The following GALNTL6 variants were observed in gnomAD, a reference collection of about 807,000 sequenced individuals.
GALNTL6 encodes the protein polypeptide N-acetylgalactosaminyltransferase-like 6.
In GALNTL6, 46 loss-of-function variants were observed where a neutral mutation model predicts 73.7. The observed-to-expected ratio is 0.62, with a 90% CI of 0.49 to 0.80. The LOEUF (loss-of-function observed/expected upper bound fraction) is 0.80. Ranked by LOEUF, GALNTL6 falls within the 30% of genes least tolerant of loss-of-function variation. The pLI, the probability that GALNTL6 is intolerant of heterozygous loss-of-function variation, is 0.00. For missense variants in GALNTL6, 604 were observed against 755.0 expected, an observed-to-expected ratio of 0.80 and a Z score of 2.34; for synonymous variants, 259 against 263.7, an observed-to-expected ratio of 0.98 and a Z score of 0.17.
intron 7 of GALNTL6, among the ~76,000 whole-genome samples, chr4:172,853,274 C>A (rs1334592640): frequency 6.6e-6 from 1 of 152,170 alleles, no homozygotes. Flanking sequence ...AGCTGGTGAG[C>A]ACCCACACTT....
At chr4:172,140,577 AT>A (rs1733773850) in intron 2 of GALNTL6, among the ~76,000 whole-genome samples, 1 of 152,114 alleles carries the variant, frequency 6.6e-6, no homozygotes, top group African/African-American at 2.4e-5. Context: ...AAGAGATGAA[AT>A]TTTCTCAAGG....
chr4:172,321,498 A>G (rs1181565317), intron 4 of GALNTL6, among the ~76,000 whole-genome samples: 1 of 152,192 alleles, frequency 6.6e-6, no homozygotes, highest in Non-Finnish European at 1.5e-5. Flanking sequence ...TAACAGAAAA[A>G]GACTTCAAAC....
intron 2 of GALNTL6, among the ~76,000 whole-genome samples, chr4:172,017,370 T>G (rs1388246758): frequency 6.6e-6 from 1 of 152,142 alleles, no homozygotes; most frequent in East Asian, 1.9e-4. Context: ...GTGACTCTGC[T>G]GTTTTTCCAG....
intron 5 of GALNTL6, among the ~76,000 whole-genome samples, chr4:172,803,349 T>G (rs1252811308): frequency 1.3e-5 from 2 of 152,162 alleles, no homozygotes; most frequent in Non-Finnish European, 1.5e-5. Flanking sequence ...CAAACTCTAT[T>G]GTGAACTACA....
chr4:172,084,154 C>A (rs1399294705), intron 2 of GALNTL6, among the ~76,000 whole-genome samples: 2 of 152,166 alleles, frequency 1.3e-5, no homozygotes, highest in East Asian at 3.9e-4. Context: ...TGAATACAAA[C>A]CTGGGAGTTT....
At chr4:172,954,324 A>G (rs558544309) in intron 10 of GALNTL6, among the ~76,000 whole-genome samples, 1 of 152,304 alleles carries the variant, frequency 6.6e-6, no homozygotes, top group African/African-American at 2.4e-5. Flanking sequence ...CAAAATCAGA[A>G]CCATCTTAAG....
intron 5 of GALNTL6, among the ~76,000 whole-genome samples, chr4:172,356,147 A>T (rs143104687): frequency 9.9e-5 from 15 of 152,270 alleles, no homozygotes; most frequent in African/African-American, 3.6e-4. Context: ...CAAAGGCATG[A>T]CTTCCTCAAG....
At chr4:172,994,705 C>T (rs529652780) in intron 10 of GALNTL6, among the ~76,000 whole-genome samples, 26 of 152,242 alleles carry the variant, frequency 1.7e-4, no homozygotes, top group Admixed American at 9.8e-4. Context: ...AATTTGCAGG[C>T]CTTCCTTAGA....
chr4:172,110,348 T>C (rs1732817645), intron 2 of GALNTL6, among the ~76,000 whole-genome samples: 1 of 152,156 alleles, frequency 6.6e-6, no homozygotes, highest in African/African-American at 2.4e-5. Flanking sequence ...TCGGAGGCCA[T>C]CAGTATAGCT....
At chr4:172,500,848 T>C (rs1478819587) in intron 5 of GALNTL6, among the ~76,000 whole-genome samples, 1 of 152,308 alleles carries the variant, frequency 6.6e-6, no homozygotes, top group African/African-American at 2.4e-5. Context: ...TAAAATGTCA[T>C]CTGATGCGGT....
At chr4:172,398,695 CTATAA>C (rs1336569141) in intron 5 of GALNTL6, among the ~76,000 whole-genome samples, 1 of 152,092 alleles carries the variant, frequency 6.6e-6, no homozygotes, top group Non-Finnish European at 1.5e-5. Context: ...GTTCAATAAA[CTATAA>C]TATATCAACT....
intron 10 of GALNTL6, among the ~76,000 whole-genome samples, chr4:172,986,718 T>G (rs1460763047): frequency 6.6e-6 from 1 of 152,176 alleles, no homozygotes; most frequent in Non-Finnish European, 1.5e-5. Context: ...TAAGAGATAT[T>G]TCTATGGAAA....
chr4:172,164,301 T>C (rs1484312424), intron 2 of GALNTL6, among the ~76,000 whole-genome samples: 1 of 152,018 alleles, frequency 6.6e-6, no homozygotes, highest in Admixed American at 6.6e-5. Context: ...GATGTTCCCA[T>C]CTCTAAAATT....
Position 172,635,314 on chromosome 4 carries a change from T to C in GALNTL6, c.554-174047T>C, listed in dbSNP as rs371689740. On this transcript the variant is annotated intron_variant, in intron 5 of 12. Transcript: ENST00000506823. ...TGCGACTGTTTATTTCAAATTTAAT[T>C]CAAATAAGATGTATTTTGAACTGTC... Among the ~76,000 whole-genome samples the C allele has an allele frequency of 2.4e-4, 37 of 152,272 alleles. 1 individual carries two copies. In the East Asian group the frequency reaches 4.2e-3, roughly 17 times the overall value.
intron 2 of GALNTL6, among the ~76,000 whole-genome samples, chr4:172,148,394 A>G (rs1448682284): frequency 1.3e-5 from 2 of 152,134 alleles, no homozygotes; most frequent in Non-Finnish European, 2.9e-5. Flanking sequence ...TATGACTTAG[A>G]AATCAGATTA....
intron 5 of GALNTL6, among the ~76,000 whole-genome samples, chr4:172,516,863 A>T (rs1029938505): frequency 6.6e-6 from 1 of 152,208 alleles, no homozygotes; most frequent in Non-Finnish European, 1.5e-5. Flanking sequence ...AAAGGAAGGA[A>T]ATTCTGTCGT....
At position 172,448,645 on chromosome 4, in the gene GALNTL6, T is replaced by C. The variant is rs1278409185; in HGVS notation, c.553+99956T>C. Among the ~76,000 whole-genome samples the C allele has an allele frequency of 3.3e-5, 5 of 152,344 alleles. No homozygotes were observed. In the East Asian group the frequency reaches 9.6e-4, roughly 29 times the overall value. On this transcript the variant is annotated intron_variant, in intron 5 of 12. Transcript: ENST00000506823. Reference sequence around the variant, plus strand: ...AACGCTAGGAAAAGTTTAGATATTATTGACAACGCTTTTTAGTCTTCTCTA... The same window carrying C: ...AACGCTAGGAAAAGTTTAGATATTACTGACAACGCTTTTTAGTCTTCTCTA...
intron 2 of GALNTL6, among the ~76,000 whole-genome samples, chr4:172,022,581 C>T (rs1741439512): frequency 6.6e-6 from 1 of 151,914 alleles, no homozygotes. Context: ...CCTGGTATGC[C>T]TCTGCATTTT....
intron 2 of GALNTL6, among the ~76,000 whole-genome samples, chr4:171,882,459 T>C (rs988461148): frequency 6.6e-6 from 1 of 152,208 alleles, no homozygotes; most frequent in African/African-American, 2.4e-5. Context: ...TAAAGTCCCA[T>C]GATAGGCAGT....
Sources: allele counts gnomAD v4.1 joint callset (sites outside exome capture counted in the v4.1 genomes callset), GRCh38; gene constraint gnomAD v4.1.1; transcripts MANE v1.5; gene names NCBI Gene and HGNC (gene_info 2026-07-23, HGNC 2026-07-21).